ZNF529: variants seen among roughly 807,000 people sequenced by gnomAD.
The protein encoded by ZNF529 is zinc finger protein 529.
Under a neutral mutation model 10.1 loss-of-function variants are expected in ZNF529, and 11 were observed. That is an observed-to-expected ratio of 1.09 (90% CI 0.69 to 1.81). ZNF529 has a LOEUF of 1.81. Ranked by LOEUF, ZNF529 falls within the 40% of genes most tolerant of loss-of-function variation. ZNF529 has a pLI of 0.00. For synonymous variants in ZNF529, 204 were observed against 215.7 expected, an observed-to-expected ratio of 0.95 and a Z score of 0.47; for missense variants, 624 against 666.8, an observed-to-expected ratio of 0.94 and a Z score of 0.71.
At chr19:36,584,861 G>A (rs1406599393) in intron 2 of ZNF529, among the ~76,000 whole-genome samples, 2 of 152,006 alleles carry the variant, frequency 1.3e-5, no homozygotes, top group Non-Finnish European at 2.9e-5. Context: ...AGTCAAAGAT[G>A]CAAGGTTAAG....
chr19:36,552,143 A>G (rs1325983060), intron 4 of ZNF529, among the ~76,000 whole-genome samples: 1 of 152,146 alleles, frequency 6.6e-6, no homozygotes, highest in Non-Finnish European at 1.5e-5. Flanking sequence ...AACAAAACAC[A>G]GTCTGGGCTG....
intron 1 of ZNF529, among the ~76,000 whole-genome samples, chr19:36,603,469 A>G (rs1470429784): frequency 6.6e-6 from 1 of 152,246 alleles, no homozygotes; most frequent in Non-Finnish European, 1.5e-5. Context: ...AAGTTATTCC[A>G]CATCCTGAAA....
chr19:36,602,213 A>G (rs1205288615), intron 1 of ZNF529, among the ~76,000 whole-genome samples: 1 of 151,928 alleles, frequency 6.6e-6, no homozygotes, highest in Non-Finnish European at 1.5e-5. Context: ...ATGCCCAGCT[A>G]ATTTTTGTAT....
chr19:36,581,386 T>C (rs992788121), intron 2 of ZNF529: 2 of 151,458 alleles, frequency 1.3e-5, no homozygotes, highest in Non-Finnish European at 2.9e-5. Context: ...TAAAGCAGAG[T>C]TGAGAGGAAT....
intron 2 of ZNF529, among the ~76,000 whole-genome samples, chr19:36,560,288 C>T (rs1248736674): frequency 1.3e-5 from 2 of 148,568 alleles, no homozygotes; most frequent in Non-Finnish European, 3.0e-5. Flanking sequence ...AAAAGAGAAG[C>T]AAGCCAGTTT....
chr19:36,550,989 G>T (rs137890096), intron 4 of ZNF529, among the ~76,000 whole-genome samples: 1 of 152,124 alleles, frequency 6.6e-6, no homozygotes, highest in African/African-American at 2.4e-5. Context: ...ATGACTTATT[G>T]TCCTTGTTAT....
chr19:36,602,634 G>GA (rs1054468609), intron 1 of ZNF529, among the ~76,000 whole-genome samples: 4 of 151,326 alleles, frequency 2.6e-5, no homozygotes, highest in African/African-American at 7.3e-5. Flanking sequence ...GGGAAAAAAA[G>GA]AAAAAAACAC....
intron 4 of ZNF529, among the ~76,000 whole-genome samples, chr19:36,550,410 G>T (rs2035215953): frequency 1.3e-5 from 2 of 152,184 alleles, no homozygotes; most frequent in African/African-American, 4.8e-5. Flanking sequence ...GCTAGGCACG[G>T]TGGCACATGC....
intron 2 of ZNF529, among the ~76,000 whole-genome samples, chr19:36,568,600 C>T (rs1330182587): frequency 6.6e-6 from 1 of 151,816 alleles, no homozygotes; most frequent in East Asian, 1.9e-4. Context: ...GCCTCCTGTG[C>T]AGCTGGGATT....
chr19:36,573,734 C>T (rs904742599), upstream of ZNF529, among the ~76,000 whole-genome samples: 4 of 152,174 alleles, frequency 2.6e-5, no homozygotes, highest in African/African-American at 9.7e-5. Flanking sequence ...ACCCGGACCC[C>T]AGGCTGAGGG....
In ZNF529 at chr19:36,546,708, A is replaced by G; in HGVS notation, c.*158T>C. 2.7e-6 allele frequency: 2 copies of G among 752,908 alleles called. No homozygotes were observed. Among genetic ancestry groups the G allele is most frequent in the Non-Finnish European group, 4.2e-6 (2 of 480,126 alleles). The allele number at this position is 752,908 out of a possible 1,614,324, so 46.6% of individuals were successfully genotyped here. A position where few individuals can be genotyped will look rare whatever the true frequency, so the allele number is the denominator to read the frequency against. On this transcript the variant is annotated 3_prime_UTR_variant, in exon 5 of 5. Coordinates refer to ENST00000591340, the MANE Select transcript of ZNF529 (RefSeq NM_020951.5). ...ACAAAGCTATAAGTATATATCAGCT[A>G]TGACTAAGCAATTCTACGTCTACAT... is the stretch of plus-strand genomic sequence containing the variant.
At chr19:36,549,904 CTG>C (rs2035194365) in intron 4 of ZNF529, among the ~76,000 whole-genome samples, 1 of 152,086 alleles carries the variant, frequency 6.6e-6, no homozygotes, top group Non-Finnish European at 1.5e-5. Context: ...ATTATAACTA[CTG>C]TTAGACTTAC....
intron 2 of ZNF529, among the ~76,000 whole-genome samples, chr19:36,570,465 G>A (rs1041428820): frequency 2.0e-5 from 3 of 151,882 alleles, no homozygotes; most frequent in Non-Finnish European, 4.4e-5. Context: ...GGTTGGCCAC[G>A]CTTCATGTTT....
chr19:36,602,576 G>C (rs991841445), intron 1 of ZNF529, among the ~76,000 whole-genome samples: 1 of 151,774 alleles, frequency 6.6e-6, no homozygotes, highest in African/African-American at 2.4e-5. Flanking sequence ...TCTAGACCCA[G>C]AGACCATTAT....
chr19:36,553,637 T>C (rs1226700739), intron 4 of ZNF529, among the ~76,000 whole-genome samples: 2 of 152,230 alleles, frequency 1.3e-5, no homozygotes, highest in African/African-American at 2.4e-5. Context: ...TCCATCAATA[T>C]ATAAATTGTA....
chr19:36,564,638 A>G (rs1170773918), intron 2 of ZNF529, among the ~76,000 whole-genome samples: 3 of 152,186 alleles, frequency 2.0e-5, no homozygotes, highest in Non-Finnish European at 4.4e-5. Context: ...ATGCTTACAC[A>G]CTGTTGGTGG....
intron 4 of ZNF529, among the ~76,000 whole-genome samples, chr19:36,550,187 A>G (rs2145792199): frequency 6.6e-6 from 1 of 152,370 alleles, no homozygotes; most frequent in South Asian, 2.1e-4. Context: ...CGACAACATT[A>G]AAACCAGATT....
chr19:36,545,256 G>C lies in ZNF529; in HGVS notation c.*1610C>G, dbSNP rs892759379. 3 of 152,394 alleles carry C rather than the reference G, an allele frequency of 2.0e-5. No individual in the cohort carries two copies. Among genetic ancestry groups the C allele is most frequent in the Non-Finnish European group, 2.9e-5 (2 of 68,266 alleles). The allele number at this position is 152,394 out of a possible 1,614,324, so 9.4% of individuals were successfully genotyped here. ...TAAATCCAATAACCAGGCTGGGTGC[G>C]GTGGCTCATGCCTGTAATCCCAGCA... On this transcript the variant is annotated 3_prime_UTR_variant, in exon 5 of 5. Coordinates refer to ENST00000591340, the MANE Select transcript of ZNF529 (RefSeq NM_020951.5).
rs1442910097 is a variant in ZNF529 at position 36,547,890 on chromosome 19, C to A, written c.668G>T (p.Gly223Val). 4.3e-6 allele frequency: 7 copies of A among 1,612,360 alleles called. No homozygotes were observed. The highest frequency in any genetic ancestry group is 1.1e-5 in the South Asian group (1 of 91,022). ...SSMLQLNIHT[G>V]VKPCKYMEYG... ...TTCCATATATTTACAAGGTTTCACA[C>A]CAGTATGAATATTCAGTTGTAACAT... Residue 223 changes from glycine to valine, a missense_variant, in exon 5 of 5, where the codon GGT becomes GTT. Gly to Val is a moderately radical substitution (Grantham distance 109). Coordinates refer to ENST00000591340, the MANE Select transcript of ZNF529 (RefSeq NM_020951.5).
Sources: allele counts gnomAD v4.1 joint callset (sites outside exome capture counted in the v4.1 genomes callset), GRCh38; gene constraint gnomAD v4.1.1; transcripts MANE v1.5; gene names NCBI Gene and HGNC (gene_info 2026-07-23, HGNC 2026-07-21).